The following UGT2A2 variants were observed in gnomAD, a reference collection of about 807,000 sequenced individuals.
The protein encoded by UGT2A2 is UDP glucuronosyltransferase family 2 member A2, also known as UDP-glucuronosyltransferase 2A2.
UGT2A2 carries 60 observed loss-of-function variants against 50.7 expected under a neutral mutation model. The ratio of observed to expected loss-of-function variants is 1.18; its 90% CI spans 0.96 to 1.47. The LOEUF (loss-of-function observed/expected upper bound fraction) is 1.47, where lower values mean the gene tolerates loss of function less well. Ranked by LOEUF, UGT2A2 falls within the 40% of genes most tolerant of loss-of-function variation. The pLI, the probability that UGT2A2 is intolerant of heterozygous loss-of-function variation, is 0.00. For synonymous variants in UGT2A2, 242 were observed against 214.6 expected, an observed-to-expected ratio of 1.13 and a Z score of -1.11; for missense variants, 762 against 634.0, an observed-to-expected ratio of 1.20 and a Z score of -2.17.
intron 1 of UGT2A2, among the ~76,000 whole-genome samples, chr4:69,615,200 C>T (rs565544578): frequency 1.3e-5 from 2 of 151,840 alleles, no homozygotes; most frequent in African/African-American, 2.4e-5. Flanking sequence ...ATCAAATCAC[C>T]CTGAAAAATT....
chr4:69,594,495 G>C lies in UGT2A2; in HGVS notation c.1313C>G (p.Thr438Arg), dbSNP rs1298022536. 2 of 1,614,130 alleles carry C rather than the reference G, an allele frequency of 1.2e-6. No individual in the cohort carries two copies. Among genetic ancestry groups the C allele is most frequent in the East Asian group, 2.2e-5 (1 of 44,876 alleles). ...TSVDLLSALR[T>R]VINEPSYKEN... is the part of the protein sequence containing the mutation. Reference sequence around the variant, plus strand: ...TACTTACGAAGGTTCATTAATGACTGTTCTCAAAGCGCTAAGCAAATCCAC... The same window carrying C: ...TACTTACGAAGGTTCATTAATGACTCTTCTCAAAGCGCTAAGCAAATCCAC... Residue 438 changes from threonine to arginine, a missense_variant, in exon 5 of 6, where the codon ACA becomes AGA. Transcript: ENST00000604629.
At chr4:69,593,926 G>A (rs972916758) in intron 5 of UGT2A2, among the ~76,000 whole-genome samples, 4 of 149,472 alleles carry the variant, frequency 2.7e-5, no homozygotes, top group Non-Finnish European at 5.9e-5. Flanking sequence ...TATAATCATA[G>A]CATTCTTTAT....
chr4:69,610,013 G>C (rs1184178667), intron 1 of UGT2A2, among the ~76,000 whole-genome samples: 2 of 152,082 alleles, frequency 1.3e-5, no homozygotes, highest in Non-Finnish European at 2.9e-5. Context: ...ATAACTAGCA[G>C]ACCTATAAAG....
rs72853656 is a variant in UGT2A2, at chr4:69,631,666, G to A, written c.742+7233C>T. Among the ~76,000 whole-genome samples, 783 of 152,216 alleles carry A rather than the reference G, an allele frequency of 5.1e-3. 5 individuals carry two copies. Among genetic ancestry groups the A allele is most frequent in the African/African-American group, 0.018 (753 of 41,542 alleles). The stretch of plus-strand genomic sequence containing the variant: ...AAGCAAGGAGAGGAGTGTGTACATG[G>A]GCATTTCTGGGTGTGTCCACTAATT... On this transcript the variant is annotated intron_variant, in intron 1 of 5. Coordinates refer to ENST00000604629, the MANE Select transcript of UGT2A2 (RefSeq NM_001105677.2).
intron 5 of UGT2A2, among the ~76,000 whole-genome samples, chr4:69,593,241 T>C (rs1009968657): frequency 6.6e-6 from 1 of 152,054 alleles, no homozygotes; most frequent in African/African-American, 2.4e-5. Context: ...CCTAAATATT[T>C]TGGAATAAAT....
At chr4:69,592,924 C>T (rs895650975) in intron 5 of UGT2A2, among the ~76,000 whole-genome samples, 2 of 152,106 alleles carry the variant, frequency 1.3e-5, no homozygotes, top group East Asian at 1.9e-4. Flanking sequence ...TAAGAATACA[C>T]CATAACTGAG....
chr4:69,638,606 C>T lies in UGT2A2; in HGVS notation c.742+293G>A, dbSNP rs534929510. 2.6e-5 allele frequency among the ~76,000 whole-genome samples: 4 copies of T among 152,204 alleles called. No homozygotes were observed. The South Asian group carries it at 8.3e-4, about 32-fold the overall frequency. ...TTTTTCAGTAGTGTTATAATGTATC[C>T]TAATATGGGCACTTTCATTTATATT... is the stretch of plus-strand genomic sequence containing the variant. On this transcript the variant is annotated intron_variant, in intron 1 of 5. Transcript: ENST00000604629.
chr4:69,596,954 T>G lies in UGT2A2; in HGVS notation c.892-573A>C, dbSNP rs544868633. Reference sequence around the variant, plus strand: ...ACTAAATAAGGGACAACTCTTCTCATGCTAACTGAAATTGTTACCCCCAAG... The same window carrying G: ...ACTAAATAAGGGACAACTCTTCTCAGGCTAACTGAAATTGTTACCCCCAAG... On this transcript the variant is annotated intron_variant, in intron 2 of 5. Transcript: ENST00000604629. Among the ~76,000 whole-genome samples the G allele has an allele frequency of 4.6e-5, 7 of 152,348 alleles. No homozygotes were observed. The East Asian group carries it at 7.7e-4, about 17-fold the overall frequency.
At position 69,639,494 on chromosome 4, in the gene UGT2A2, T is replaced by C. The variant is rs757342074; in HGVS notation, c.147A>G (p.Leu49=). 1 of 1,613,414 alleles carries C rather than the reference T, an allele frequency of 6.2e-7. No homozygotes were observed. The highest frequency in any genetic ancestry group is 8.5e-7 in the Non-Finnish European group (1 of 1,179,602). ...TGTGATTTCTTTGAATCAACTCTTCTAGAATAATCTTAATATTTAACCAAT... is the reference window on the plus strand; with the variant it reads ...TGTGATTTCTTTGAATCAACTCTTCCAGAATAATCTTAATATTTAACCAAT... ...GSHWLNIKII[L]EELIQRNHNV... The change falls in exon 1 of 6, where the codon CTA becomes CTG. Residue 49 remains leucine, a synonymous_variant. Coordinates refer to ENST00000604629, the MANE Select transcript of UGT2A2 (RefSeq NM_001105677.2).
intron 3 of UGT2A2, 91 bp from the exon 4 acceptor site, chr4:69,595,340 A>C (rs1718859855): frequency 6.9e-7 from 1 of 1,447,078 alleles, no homozygotes. Flanking sequence ...TTAGCCAGCT[A>C]CTTGGAAGAC....
chr4:69,614,715 G>T (rs1720270675), intron 1 of UGT2A2, among the ~76,000 whole-genome samples: 1 of 152,020 alleles, frequency 6.6e-6, no homozygotes, highest in Non-Finnish European at 1.5e-5. Flanking sequence ...TACATACATT[G>T]GGAAAGGAAT....
Position 69,589,223 on chromosome 4 carries a change from TA to T in UGT2A2, c.*148del. The T allele has an allele frequency of 9.9e-7, 1 of 1,013,680 alleles. No individual in the cohort carries two copies. The highest frequency in any genetic ancestry group is 1.4e-6 in the Non-Finnish European group (1 of 736,948). The allele number at this position is 1,013,680 out of a possible 1,614,324, so 62.8% of individuals were successfully genotyped here. ...CATGCCAAAATCTAGGCTTTATCAGTAGGCTTATCGCAGGTAGAGAAATAGA... is the reference window on the plus strand; with the variant it reads ...CATGCCAAAATCTAGGCTTTATCAGTGGCTTATCGCAGGTAGAGAAATAGA... On this transcript the variant is annotated 3_prime_UTR_variant, in exon 6 of 6. Coordinates refer to ENST00000604629, the MANE Select transcript of UGT2A2 (RefSeq NM_001105677.2).
At chr4:69,630,848 C>T (rs1353350657) in intron 1 of UGT2A2, among the ~76,000 whole-genome samples, 1 of 151,968 alleles carries the variant, frequency 6.6e-6, no homozygotes, top group African/African-American at 2.4e-5. Flanking sequence ...ACACAACACA[C>T]AAATATACTA....
chr4:69,594,454 T>C (rs756882987), intron 5 of UGT2A2, 23 bp downstream of exon 5: 3 of 1,607,688 alleles, frequency 1.9e-6, no homozygotes, highest in East Asian at 2.2e-5. Flanking sequence ...GTTAGGCAAG[T>C]TTTTAGGAGC....
At chr4:69,616,015 A>G (rs1720358466) in intron 1 of UGT2A2, among the ~76,000 whole-genome samples, 1 of 152,068 alleles carries the variant, frequency 6.6e-6, no homozygotes, top group African/African-American at 2.4e-5. Flanking sequence ...CTATATGTGC[A>G]TCAATGGGTG....
At position 69,604,967 on chromosome 4, in the gene UGT2A2, TAATG is replaced by T. The variant is rs1404389103; in HGVS notation, c.743-5577_743-5574del. 5.9e-5 allele frequency among the ~76,000 whole-genome samples: 8 copies of T among 136,160 alleles called. 3 individuals are homozygous for T. Among genetic ancestry groups the T allele is most frequent in the African/African-American group, 2.4e-4 (8 of 33,546 alleles). The allele number at this position is 136,160 out of a possible 152,430, so 89.3% of individuals were successfully genotyped here. ...AGAGACTTAGACTCCCACACAATAA[TAATG>T]AGAGACTTTGACACCCCACTGTCAA... is the stretch of plus-strand genomic sequence containing the variant. On this transcript the variant is annotated intron_variant, in intron 1 of 5. Coordinates refer to ENST00000604629, the MANE Select transcript of UGT2A2 (RefSeq NM_001105677.2).
At chr4:69,598,851 C>T (rs1466480618) in intron 2 of UGT2A2, among the ~76,000 whole-genome samples, 1 of 152,070 alleles carries the variant, frequency 6.6e-6, no homozygotes. Context: ...AAATGGAATT[C>T]ACCCAACAGT....
Position 69,596,286 on chromosome 4 carries a change from A to T in UGT2A2, c.987T>A (p.Asn329Lys), listed in dbSNP as rs1718925652. ...MVKNLTEEKA[N>K]LIASALAQIP... ...TCTGGGCAAGGGCTGAGGCAATAAG[A>T]TTGGCCTTTTCTTCTGTAAGGTTTT... The change falls in exon 3 of 6, where the codon AAT (asparagine) becomes AAA (lysine). Residue 329 changes from asparagine (N) to lysine (K), a missense_variant. Asn to Lys is a moderately conservative substitution (Grantham distance 94). Transcript: ENST00000604629. 6.2e-7 allele frequency: 1 copy of T among 1,608,034 alleles called. No homozygotes were observed. Among genetic ancestry groups the T allele is most frequent in the Non-Finnish European group, 8.5e-7 (1 of 1,176,434 alleles).
At chr4:69,623,762 T>A (rs1720887174) in intron 1 of UGT2A2, among the ~76,000 whole-genome samples, 1 of 151,364 alleles carries the variant, frequency 6.6e-6, no homozygotes, top group Admixed American at 6.6e-5. Context: ...ATAAAAATAA[T>A]TTAAATAAAA....
Sources: gnomAD v4.1 joint callset for allele counts (sites outside exome capture counted in the v4.1 genomes callset) on GRCh38, gnomAD v4.1.1 for gene constraint, MANE v1.5 for transcripts, NCBI Gene and HGNC (gene_info 2026-07-23, HGNC 2026-07-21) for gene names.